NME6: variants seen among roughly 807,000 people sequenced by gnomAD.
NME6 encodes NME/NM23 nucleoside diphosphate kinase 6.
Under a neutral mutation model 22.2 loss-of-function variants are expected in NME6, and 16 were observed. The ratio of observed to expected loss-of-function variants is 0.72; its 90% confidence interval spans 0.49 to 1.09. The LOEUF (loss-of-function observed/expected upper bound fraction) is 1.09. Ranked by LOEUF, NME6 falls within the 50% of genes least tolerant of loss-of-function variation. The probability of loss-of-function intolerance (pLI) is 0.00; values close to 1 mark genes in which losing one functional copy is unlikely to be tolerated. For missense variants in NME6, 229 were observed against 239.0 expected (o/e 0.96, Z 0.28); for synonymous variants, 58 against 85.2 (o/e 0.68, Z 1.76).
rs1134866 is a variant in NME6, at chr3:48,294,550, G to A, written c.*87C>T. 7.4e-5 allele frequency: 107 copies of A among 1,451,920 alleles called. No individual in the cohort carries two copies. The highest frequency in any genetic ancestry group is 1.1e-4 in the Admixed American group (6 of 53,794). 89.9% of individuals were successfully genotyped at this position (1,451,920 alleles called of 1,614,324 possible). ...GTGCCCAGCAGAAATGGCACTGTAA[G>A]CCAGGCTTCCCTGGTCCTAGGAGAA... On this transcript the variant is annotated 3_prime_UTR_variant, in exon 6 of 6. Transcript: ENST00000442597.
chr3:48,287,765 G>T (rs1409506155), downstream of NME6: 5 of 152,098 alleles, frequency 3.3e-5, no homozygotes, highest in Non-Finnish European at 7.3e-5. Context: ...AACTTGGAAG[G>T]TTCGCCCATT....
rs771215412 is a variant in NME6 at position 48,301,337 on chromosome 3, C to A, written c.-8+16G>T. On this transcript the variant is annotated intron_variant, in intron 1 of 5. Transcript: ENST00000442597. ...TTCGGAGCCCCAGTGCAGCAGAAGT[C>A]CGGCTGCGGGTTCACCTTGTCCTCC... is the stretch of plus-strand genomic sequence containing the variant. The A allele has an allele frequency of 6.3e-7, 1 of 1,576,180 alleles. No homozygotes were observed. Among genetic ancestry groups the A allele is most frequent in the Non-Finnish European group, 8.6e-7 (1 of 1,160,916 alleles).
Position 48,296,747 on chromosome 3 carries a change from C to T in NME6, c.173G>A (p.Arg58Lys). 6.2e-7 allele frequency: 1 copy of T among 1,613,420 alleles called. No individual in the cohort carries two copies. ...CCTACCTTCATGCTCTCGGTAAAAC[C>T]TCTGGCAATCTTCCTTTCTCCACAG... The part of the protein sequence containing the change: ...ELLWRKEDCQ[R>K]FYREHEGRFF... Residue 58 changes from arginine (R) to lysine (K), a missense_variant, in exon 3 of 6, where the codon AGG becomes AAG. Physicochemically the swap from Arg to Lys is conservative, Grantham distance 26. Coordinates refer to ENST00000442597, the MANE Select transcript of NME6 (RefSeq NM_001308426.2).
chr3:48,287,653 CTT>C (rs2034251191), downstream of NME6: 1 of 152,002 alleles, frequency 6.6e-6, no homozygotes, highest in South Asian at 2.1e-4. Context: ...AGATCTGTCT[CTT>C]GATGATCCAA....
intron 5 of NME6, 123 bp from the exon 6 acceptor site, chr3:48,294,926 A>G: frequency 3.6e-6 from 5 of 1,399,858 alleles, no homozygotes; most frequent in Middle Eastern, 1.9e-4. Flanking sequence ...GCATGTAAAG[A>G]AAGTCCACAG....
chr3:48,294,795 C>T lies in NME6; in HGVS notation c.403G>A (p.Val135Ile). The T allele has an allele frequency of 1.9e-6, 3 of 1,614,008 alleles. No homozygotes were observed. Among genetic ancestry groups the T allele is most frequent in the Non-Finnish European group, 2.5e-6 (3 of 1,179,902 alleles). ...GCTGCAATCTCTCTGCTGGCTGAAA[C>T]CACAGAGTCTGTAAGGGGAGATAAG... ...RNTTHGSDSVVSASREIAAFF... is the reference protein window; with the variant it reads ...RNTTHGSDSVISASREIAAFF... The change falls in exon 6 of 6, where the codon GTT (valine) becomes ATT (isoleucine). Residue 135 changes from valine to isoleucine, a missense_variant. Transcript: ENST00000442597.
At chr3:48,296,995 G>T (rs1017893385) in intron 2 of NME6, among the ~76,000 whole-genome samples, 166 bp from the exon 3 acceptor site, 2 of 152,140 alleles carry the variant, frequency 1.3e-5, no homozygotes, top group African/African-American at 4.8e-5. Flanking sequence ...GCCAGAGTGT[G>T]CACCTTGGGT....
At position 48,295,818 on chromosome 3, in the gene NME6, C is replaced by A. The variant is rs143497281; in HGVS notation, c.233+301G>T. On this transcript the variant is annotated intron_variant, in intron 4 of 5. Coordinates refer to ENST00000442597, the MANE Select transcript of NME6 (RefSeq NM_001308426.2). ...TCAACCTCCACCTCCCAGGTTCAAG[C>A]GATTCTCCTGCCTCAGCCTCCCGAG... 3,490 of 429,162 alleles carry A rather than the reference C, an allele frequency of 8.1e-3. 114 individuals carry two copies. The highest frequency in any genetic ancestry group is 0.066 in the African/African-American group (3,237 of 48,766). 26.6% of individuals were successfully genotyped at this position (429,162 alleles called of 1,614,324 possible).
chr3:48,294,314 C>T lies in NME6; in HGVS notation c.*323G>A, dbSNP rs374466881. The T allele has an allele frequency of 1.3e-4, 26 of 204,476 alleles. No individual in the cohort carries two copies. Among genetic ancestry groups the T allele is most frequent in the South Asian group, 1.1e-3 (10 of 9,150 alleles). 12.7% of individuals were successfully genotyped at this position (204,476 alleles called of 1,614,324 possible). On this transcript the variant is annotated 3_prime_UTR_variant, in exon 6 of 6. Transcript: ENST00000442597. ...GTCTCGAATTCCTGACCTTGTGATC[C>T]GCCTGCCTCGGCCTCCCAAAGTGCT...
chr3:48,300,362 G>T (rs1049594711), intron 1 of NME6: 5 of 456,446 alleles, frequency 1.1e-5, no homozygotes, highest in African/African-American at 1.0e-4. Flanking sequence ...AGAATTTCTG[G>T]CTTGACAGCC....
In NME6 at chr3:48,293,871, G is replaced by A. The variant is rs2034760562; in HGVS notation, c.*766C>T. ...AACACACAGAAGGAGAAAACCAAGG[G>A]TGTGGGATCAGAAAATCCAAGAGAA... On this transcript the variant is annotated 3_prime_UTR_variant, in exon 6 of 6. Coordinates refer to ENST00000442597, the MANE Select transcript of NME6 (RefSeq NM_001308426.2). The A allele has an allele frequency of 6.6e-6, 1 of 152,222 alleles. No individual in the cohort carries two copies. Among genetic ancestry groups the A allele is most frequent in the South Asian group, 2.1e-4 (1 of 4,834 alleles). The allele number at this position is 152,222 out of a possible 1,614,324, so 9.4% of individuals were successfully genotyped here. A position where few individuals can be genotyped will look rare whatever the true frequency, so the allele number is the denominator to read the frequency against.
intron 2 of NME6, 62 bp downstream of exon 2, chr3:48,298,365 A>G (rs979171460): frequency 4.2e-6 from 6 of 1,437,228 alleles, no homozygotes; most frequent in African/African-American, 1.4e-5. Flanking sequence ...AAATGGCCCA[A>G]TGGCACCTGA....
chr3:48,290,008 A>G (rs924845724), downstream of NME6, among the ~76,000 whole-genome samples: 1 of 152,124 alleles, frequency 6.6e-6, no homozygotes, highest in Admixed American at 6.6e-5. Flanking sequence ...GGAAGGGGAA[A>G]CACATTTTTT....
downstream of NME6, among the ~76,000 whole-genome samples, chr3:48,288,237 C>T (rs1482212171): frequency 6.6e-6 from 1 of 151,830 alleles, no homozygotes; most frequent in Non-Finnish European, 1.5e-5. Context: ...AAAAATTCGT[C>T]CAGCATAATG....
chr3:48,295,841 G>C (rs1206632049), intron 4 of NME6: 2 of 479,310 alleles, frequency 4.2e-6, no homozygotes, highest in African/African-American at 3.9e-5. Context: ...TCAGCCTCCC[G>C]AGTAGCTGGG....
chr3:48,299,189 C>T, intron 1 of NME6: 1 of 502,158 alleles, frequency 2.0e-6, no homozygotes, highest in Admixed American at 3.5e-5. Flanking sequence ...GCATCTGAAA[C>T]AGTGCCTGAC....
chr3:48,295,594 T>G lies in NME6; in HGVS notation c.234-359A>C, dbSNP rs564764296. 2.3e-5 allele frequency: 6 copies of G among 260,656 alleles called. No homozygotes were observed. In the Admixed American group the frequency reaches 2.9e-4, roughly 13 times the overall value. 16.1% of individuals were successfully genotyped at this position (260,656 alleles called of 1,614,324 possible). ...TCTCACTCTGTTGCCCAGGCTAGAG[T>G]ACAATGGTTCAATCTCGGCTCACTG... On this transcript the variant is annotated intron_variant, in intron 4 of 5. Transcript: ENST00000442597.
In NME6 at chr3:48,295,100, G is replaced by C. The variant is rs906899980; in HGVS notation, c.369C>G (p.Asp123Glu). 6.2e-7 allele frequency: 1 copy of C among 1,614,018 alleles called. No homozygotes were observed. The highest frequency in any genetic ancestry group is 8.5e-7 in the Non-Finnish European group (1 of 1,180,038). The change falls in exon 5 of 6, where the codon GAC becomes GAG. Residue 123 changes from aspartate (D) to glutamate (E), a missense_variant. By Grantham distance (45) the Asp-to-Glu change is conservative. Coordinates refer to ENST00000442597, the MANE Select transcript of NME6 (RefSeq NM_001308426.2). Reference sequence around the variant, plus strand: ...CCGAACCATGGGTGGTGTTGCGGGTGTCAGTGAGGCCGAAACTCCCACGGA... The same window carrying C: ...CCGAACCATGGGTGGTGTTGCGGGTCTCAGTGAGGCCGAAACTCCCACGGA... ...DSIRGSFGLTDTRNTTHGSDS... is the reference protein window; with the variant it reads ...DSIRGSFGLTETRNTTHGSDS...
chr3:48,300,245 G>A, intron 1 of NME6: 2 of 456,682 alleles, frequency 4.4e-6, no homozygotes, highest in Non-Finnish European at 8.8e-6. Flanking sequence ...CGGCCTCCCA[G>A]GCTCTGCATG....
Sources: gnomAD v4.1 joint callset for allele counts (sites outside exome capture counted in the v4.1 genomes callset) on GRCh38, gnomAD v4.1.1 for gene constraint, MANE v1.5 for transcripts, NCBI Gene and HGNC (gene_info 2026-07-23, HGNC 2026-07-21) for gene names.